DPYD: variants seen among roughly 807,000 people sequenced by gnomAD.
DPYD encodes the protein dihydropyrimidine dehydrogenase [NADP(+)].
A neutral mutation model predicts 116.2 loss-of-function variants in DPYD; 109 were observed. The ratio of observed to expected loss-of-function variants is 0.94; its 90% CI spans 0.80 to 1.10. The LOEUF is 1.10. Among genes scored for constraint, DPYD ranks in the 50% least tolerant of loss-of-function variants. DPYD has a pLI of 0.00. For synonymous variants in DPYD, 440 were observed against 432.0 expected, an observed-to-expected ratio of 1.02 and a Z score of -0.23; for missense variants, 1,302 against 1,254.5, an observed-to-expected ratio of 1.04 and a Z score of -0.57.
At chr1:97,184,327 T>C (rs1331129675) in intron 20 of DPYD, among the ~76,000 whole-genome samples, 3 of 152,130 alleles carry the variant, frequency 2.0e-5, no homozygotes, top group Non-Finnish European at 4.4e-5. Context: ...TTTTTGCTCT[T>C]TGAGGAATCA....
chr1:97,504,161 G>C (rs1329450060), intron 13 of DPYD, among the ~76,000 whole-genome samples: 1 of 151,974 alleles, frequency 6.6e-6, no homozygotes, highest in Non-Finnish European at 1.5e-5. Context: ...CAAATCCTGA[G>C]AGACAGCTTT....
intron 20 of DPYD, among the ~76,000 whole-genome samples, chr1:97,182,781 T>C (rs1015709580): frequency 2.0e-5 from 3 of 152,142 alleles, no homozygotes; most frequent in Admixed American, 2.0e-4. Flanking sequence ...AATGTTATCA[T>C]AGATGGACAG....
intron 1 of DPYD, among the ~76,000 whole-genome samples, chr1:97,903,790 C>G (rs1673479272): frequency 6.6e-6 from 1 of 152,054 alleles, no homozygotes; most frequent in Admixed American, 6.6e-5. Flanking sequence ...TTTTAAAAAG[C>G]TGCCTTTCCA....
intron 8 of DPYD, among the ~76,000 whole-genome samples, chr1:97,605,460 G>A (rs183782638): frequency 9.9e-5 from 15 of 151,902 alleles, no homozygotes; most frequent in East Asian, 1.9e-4. Context: ...CACTCACTCC[G>A]TCCTGCTACC....
chr1:97,705,744 C>G (rs981016250), intron 5 of DPYD, among the ~76,000 whole-genome samples: 1 of 152,058 alleles, frequency 6.6e-6, no homozygotes, highest in African/African-American at 2.4e-5. Flanking sequence ...GTTTACAGTC[C>G]CACCAACAGT....
intron 8 of DPYD, among the ~76,000 whole-genome samples, chr1:97,607,458 A>C (rs76382421): frequency 0.013 from 1,990 of 151,982 alleles, 23 homozygotes; most frequent in Middle Eastern, 0.024. Context: ...GTGGAACAAA[A>C]ATCTGAAGCT....
At chr1:97,124,156 C>A (rs1652658150) in intron 20 of DPYD, among the ~76,000 whole-genome samples, 1 of 144,872 alleles carries the variant, frequency 6.9e-6, no homozygotes, top group East Asian at 2.4e-4. Flanking sequence ...TCTGTAGGAA[C>A]CAGAGGAAAA....
intron 4 of DPYD, among the ~76,000 whole-genome samples, chr1:97,725,494 A>T (rs555527195): frequency 1.7e-4 from 26 of 151,592 alleles, no homozygotes; most frequent in Non-Finnish European, 3.0e-4. Flanking sequence ...GAATAGCTAA[A>T]ATGAAAAATA....
intron 20 of DPYD, among the ~76,000 whole-genome samples, chr1:97,153,034 G>T (rs1161186927): frequency 6.6e-6 from 1 of 152,044 alleles, no homozygotes; most frequent in African/African-American, 2.4e-5. Flanking sequence ...CTTCTAAAAT[G>T]TAAGAGTCTT....
At chr1:97,616,895 C>CTT (rs567860314) in intron 8 of DPYD, among the ~76,000 whole-genome samples, 17 of 151,254 alleles carry the variant, frequency 1.1e-4, no homozygotes, top group Admixed American at 2.0e-4. Context: ...AGTTTTATTT[C>CTT]TTTTTTTTTG....
At chr1:97,518,839 C>T (rs1413806913) in intron 12 of DPYD, among the ~76,000 whole-genome samples, 1 of 151,894 alleles carries the variant, frequency 6.6e-6, no homozygotes, top group Non-Finnish European at 1.5e-5. Context: ...AATTTATTGA[C>T]ATGAAAGAGG....
intron 19 of DPYD, among the ~76,000 whole-genome samples, chr1:97,211,896 C>T (rs80202507): frequency 0.033 from 5,080 of 152,096 alleles, 288 homozygotes; most frequent in African/African-American, 0.12. Flanking sequence ...TCCCGTAAGA[C>T]TTTGAAGAAA....
At chr1:97,524,672 CTTCT>C (rs774631105) in intron 12 of DPYD, among the ~76,000 whole-genome samples, 8 of 152,086 alleles carry the variant, frequency 5.3e-5, no homozygotes, top group African/African-American at 7.2e-5. Flanking sequence ...CTAATCATCT[CTTCT>C]TTCTTTCTTT....
intron 6 of DPYD, among the ~76,000 whole-genome samples, chr1:97,697,111 C>A (rs754007263): frequency 6.6e-6 from 1 of 151,952 alleles, no homozygotes; most frequent in Non-Finnish European, 1.5e-5. Context: ...CCCTTTTAAC[C>A]CTGTTAAACT....
intron 18 of DPYD, among the ~76,000 whole-genome samples, chr1:97,248,729 A>T (rs888554639): frequency 2.0e-5 from 3 of 152,170 alleles, no homozygotes; most frequent in African/African-American, 4.8e-5. Context: ...CTATAAAAAA[A>T]CCTATAGCTA....
At chr1:97,636,450 A>G (rs1657567187) in intron 8 of DPYD, among the ~76,000 whole-genome samples, 1 of 152,024 alleles carries the variant, frequency 6.6e-6, no homozygotes, top group African/African-American at 2.4e-5. Context: ...CAATTTCATG[A>G]TCTTTATAAA....
At chr1:97,398,663 T>C (rs909662893) in intron 14 of DPYD, among the ~76,000 whole-genome samples, 2 of 152,156 alleles carry the variant, frequency 1.3e-5, no homozygotes, top group Non-Finnish European at 1.5e-5. Context: ...TGGTATCTCA[T>C]TGTGGTTTTG....
intron 10 of DPYD, among the ~76,000 whole-genome samples, chr1:97,575,191 T>C (rs562005489): frequency 1.1e-4 from 16 of 152,326 alleles, no homozygotes; most frequent in African/African-American, 3.4e-4. Flanking sequence ...TGATACTTTG[T>C]TAACCACTGT....
At chr1:97,608,655 A>G (rs1655750191) in intron 8 of DPYD, among the ~76,000 whole-genome samples, 2 of 151,894 alleles carry the variant, frequency 1.3e-5, no homozygotes, top group Non-Finnish European at 2.9e-5. Flanking sequence ...GTGCTCTTGA[A>G]TTATGAAGCA....
Sources: gnomAD v4.1 joint callset for allele counts (sites outside exome capture counted in the v4.1 genomes callset) on GRCh38, gnomAD v4.1.1 for gene constraint, MANE v1.5 for transcripts, NCBI Gene and HGNC (gene_info 2026-07-23, HGNC 2026-07-21) for gene names.